Variants in LBX2 observed in about 807,000 individuals in gnomAD.
LBX2 encodes the protein transcription factor LBX2.
LBX2 carries 6 observed loss-of-function variants against 7.5 expected under a neutral mutation model. The ratio of observed to expected loss-of-function variants is 0.80; its 90% CI spans 0.44 to 1.59. LBX2 has a LOEUF of 1.59. LBX2 is among the 40% of genes most tolerant of loss of function. LBX2 has a pLI of 0.01. For missense variants in LBX2, 281 were observed against 282.0 expected, an observed-to-expected ratio of 1.00 and a Z score of 0.03; for synonymous variants, 143 against 133.2, an observed-to-expected ratio of 1.07 and a Z score of -0.51.
chr2:74,502,525 G>T (rs372484410), upstream of LBX2: 724 of 770,322 alleles, frequency 9.4e-4, 6 homozygotes, highest in African/African-American at 0.011. This position sits in a 1 kb window ranked among gnomAD's most constrained non-coding sequence, Gnocchi z 5.4. Flanking sequence ...GAGTGAGAGG[G>T]CAGTGGGAGT....
intron 1 of LBX2, chr2:74,498,896 C>G (rs552449490): frequency 4.6e-6 from 1 of 219,438 alleles, no homozygotes; most frequent in East Asian, 1.1e-4. Context: ...GCTTTCTGCT[C>G]CTTGACTCCC....
upstream of LBX2, chr2:74,499,837 G>T: frequency 4.3e-6 from 2 of 463,386 alleles, no homozygotes; most frequent in Non-Finnish European, 7.8e-6. The surrounding 1 kb of genome is among the most constrained non-coding windows in gnomAD (Gnocchi z 4.6). Context: ...GCGGGGCGCT[G>T]CACCGTGCAC....
upstream of LBX2, among the ~76,000 whole-genome samples, chr2:74,500,078 A>T (rs1461911605): frequency 6.6e-6 from 1 of 152,038 alleles, no homozygotes; most frequent in Admixed American, 6.5e-5. Flanking sequence ...CCCCTGAGAA[A>T]CGTTGTTTCT....
chr2:74,502,472 C>G, upstream of LBX2: 1 of 601,836 alleles, frequency 1.7e-6, no homozygotes, highest in Non-Finnish European at 2.9e-6. This position sits in a 1 kb window ranked among gnomAD's most constrained non-coding sequence, Gnocchi z 5.4. Context: ...CAGCGAAGAG[C>G]TTGCTCCCCT....
Position 74,497,905 on chromosome 2 carries a change from A to T in LBX2, c.*22T>A, listed in dbSNP as rs115466867. 5.8e-3 allele frequency: 8,905 copies of T among 1,527,986 alleles called. 59 individuals are homozygous for T. The highest frequency in any genetic ancestry group is 0.016 in the African/African-American group (1,194 of 72,534). 94.7% of individuals were successfully genotyped at this position (1,527,986 alleles called of 1,614,324 possible). The stretch of plus-strand genomic sequence containing the variant: ...TGAGGAGTCCAGGGCCCCAGAGCCC[A>T]GGATTGGCGGCGGCTTTGTCTTCAA... On this transcript the variant is annotated 3_prime_UTR_variant, in exon 2 of 2. Coordinates refer to ENST00000377566, the MANE Select transcript of LBX2 (RefSeq NM_001282430.2).
intron 1 of LBX2, chr2:74,498,601 GTCAAACCTTC>G (rs2104301737): frequency 2.1e-6 from 1 of 480,484 alleles, no homozygotes; most frequent in South Asian, 3.5e-5. Context: ...GAGGTGCAGG[GTCAAACCTTC>G]TGGGGTGGAG....
At chr2:74,502,845 A>G (rs774397837), upstream of LBX2, 4 of 1,603,688 alleles carry the variant, frequency 2.5e-6, no homozygotes, top group African/African-American at 5.4e-5. The surrounding 1 kb of genome is among the most constrained non-coding windows in gnomAD (Gnocchi z 5.4). Context: ...CTTCTAGGGA[A>G]GTCCTTTTTC....
In LBX2 at chr2:74,498,082, G is replaced by T. The variant is rs1674397094; in HGVS notation, c.442C>A (p.Arg148Ser). ...AKLKRDVEEM[R>S]ADVASLRALS... ...GCGCGTAGCGAGGCGACGTCGGCGC[G>T]CATCTCCTCCACATCGCGCTTGAGC... Residue 148 changes from arginine to serine, a missense_variant, in exon 2 of 2, where the codon CGC becomes AGC. This residue lies in a region of LBX2 where 6 missense variants were observed against 20.4 expected (regional missense o/e 0.29). Coordinates refer to ENST00000377566, the MANE Select transcript of LBX2 (RefSeq NM_001282430.2). The T allele has an allele frequency of 6.2e-7, 1 of 1,613,282 alleles. No homozygotes were observed. The highest frequency in any genetic ancestry group is 1.7e-5 in the Admixed American group (1 of 59,992).
chr2:74,501,076 G>A (rs114252724), upstream of LBX2, among the ~76,000 whole-genome samples: 1 of 152,144 alleles, frequency 6.6e-6, no homozygotes, highest in East Asian at 1.9e-4. Context: ...AGATGGGAAG[G>A]CACCTTGATA....
upstream of LBX2, chr2:74,502,720 A>C: frequency 6.2e-7 from 1 of 1,613,984 alleles, no homozygotes; most frequent in East Asian, 2.2e-5. The surrounding 1 kb of genome is among the most constrained non-coding windows in gnomAD (Gnocchi z 5.4). Flanking sequence ...TGTTTTGCAA[A>C]GATCTCTGCG....
upstream of LBX2, chr2:74,499,701 C>T: frequency 5.8e-6 from 4 of 690,902 alleles, no homozygotes; most frequent in South Asian, 1.9e-5. The surrounding 1 kb of genome is among the most constrained non-coding windows in gnomAD (Gnocchi z 4.6). Context: ...CTCTCCACCC[C>T]GGGCCGCGGT....
chr2:74,501,160 G>C (rs1184863351), upstream of LBX2, among the ~76,000 whole-genome samples: 1 of 152,144 alleles, frequency 6.6e-6, no homozygotes, highest in East Asian at 1.9e-4. Flanking sequence ...TGCCCTCCTG[G>C]AAAGCTGAGC....
chr2:74,500,382 T>C (rs1674461028), upstream of LBX2, among the ~76,000 whole-genome samples: 1 of 152,130 alleles, frequency 6.6e-6, no homozygotes, highest in Non-Finnish European at 1.5e-5. Flanking sequence ...TCTGTCTTTA[T>C]CTTCTTTTTA....
chr2:74,499,489 C>G lies in LBX2; in HGVS notation c.49G>C (p.Ala17Pro). ...ACCATGCGCGGGGCTAGGATGTCTG[C>G]GATGCTTAAGAGTGTCCGGGGTGTT... ...PRTPRTLLSI[A>P]DILAPRMVPR... The change falls in exon 1 of 2, where the codon GCA becomes CCA. Residue 17 changes from alanine to proline, a missense_variant. By Grantham distance (27) the Ala-to-Pro change is conservative. Around this residue, in one of 3 missense-constraint regions of LBX2, gnomAD observed 216 missense variants for 208.7 expected, o/e 1.03. Transcript: ENST00000377566. The surrounding 1 kb of genome is among the most constrained non-coding windows in gnomAD (Gnocchi z 4.6). The G allele has an allele frequency of 1.9e-6, 3 of 1,550,412 alleles. No homozygotes were observed. The South Asian group carries it at 3.6e-5, about 18-fold the overall frequency.
chr2:74,499,694 T>TGCGCCC, upstream of LBX2: 3 of 720,702 alleles, frequency 4.2e-6, no homozygotes, highest in Non-Finnish European at 6.7e-6. The surrounding 1 kb of genome is among the most constrained non-coding windows in gnomAD (Gnocchi z 4.6). Flanking sequence ...CCCCCACCTC[T>TGCGCCC]CCACCCCGGG....
At chr2:74,498,566 A>C in intron 1 of LBX2, 1 of 535,356 alleles carries the variant, frequency 1.9e-6, no homozygotes, top group Non-Finnish European at 3.3e-6. Context: ...GGGGCAAGGA[A>C]GTGAAGGAAG....
upstream of LBX2, among the ~76,000 whole-genome samples, chr2:74,500,560 C>T (rs1419430168): frequency 6.6e-6 from 1 of 152,174 alleles, no homozygotes; most frequent in African/African-American, 2.4e-5. Flanking sequence ...TCCTGACAAC[C>T]CAGGTACTAA....
chr2:74,502,862 A>C, upstream of LBX2: 2 of 1,592,242 alleles, frequency 1.3e-6, no homozygotes, highest in Non-Finnish European at 1.7e-6. This position sits in a 1 kb window ranked among gnomAD's most constrained non-coding sequence, Gnocchi z 5.4. Context: ...TTTCCCATCA[A>C]GCCCTGGGAA....
upstream of LBX2, chr2:74,502,868 G>T (rs766979791): frequency 1.5e-5 from 24 of 1,588,822 alleles, no homozygotes; most frequent in African/African-American, 3.1e-4. This position sits in a 1 kb window ranked among gnomAD's most constrained non-coding sequence, Gnocchi z 5.4. Context: ...ATCAAGCCCT[G>T]GGAAAGACTG....
Sources: allele counts gnomAD v4.1 joint callset (sites outside exome capture counted in the v4.1 genomes callset), GRCh38; gene constraint gnomAD v4.1.1; regional missense constraint gnomAD v4.1.1; non-coding constraint Gnocchi (gnomAD v3.1); transcripts MANE v1.5; gene names NCBI Gene and HGNC (gene_info 2026-07-23, HGNC 2026-07-21).